CCDC14: variants seen among roughly 807,000 people sequenced by gnomAD.
The protein encoded by CCDC14 is coiled-coil domain-containing protein 14.
CCDC14 carries 71 observed loss-of-function variants against 81.4 expected under a neutral mutation model. The ratio of observed to expected loss-of-function variants is 0.87; its 90% CI spans 0.72 to 1.06. The LOEUF (loss-of-function observed/expected upper bound fraction) is 1.06, where lower values mean the gene tolerates loss of function less well. Among genes scored for constraint, CCDC14 ranks in the 50% least tolerant of loss-of-function variants. The pLI, the probability that CCDC14 is intolerant of heterozygous loss-of-function variation, is 0.00. For synonymous variants in CCDC14, 332 were observed against 364.8 expected (o/e 0.91, Z 1.03); for missense variants, 1,046 against 1,047.3 (o/e 1.00, Z 0.02).
At chr3:123,903,432 C>T (rs1186009900) in intron 5 of CCDC14, among the ~76,000 whole-genome samples, 1 of 151,746 alleles carries the variant, frequency 6.6e-6, no homozygotes, top group African/African-American at 2.4e-5. Context: ...AGTGTTACAA[C>T]CTCTTTAGAA....
chr3:123,904,468 T>C (rs1356706075), intron 5 of CCDC14, among the ~76,000 whole-genome samples: 1 of 152,112 alleles, frequency 6.6e-6, no homozygotes, highest in Admixed American at 6.5e-5. Context: ...TATGATCCTA[T>C]ATATATAGAA....
chr3:123,960,569 C>T (rs1385163070), intron 1 of CCDC14, among the ~76,000 whole-genome samples: 2 of 152,156 alleles, frequency 1.3e-5, no homozygotes, highest in Non-Finnish European at 1.5e-5. Flanking sequence ...CTATGTAATA[C>T]ATAAAAGCAC....
rs776257918 is a variant in CCDC14 at position 123,946,812 on chromosome 3, C to T, written c.1192G>A (p.Ala398Thr). The change falls in exon 8 of 13, where the codon GCA becomes ACA. Residue 398 changes from alanine (A) to threonine (T), a missense_variant. Coordinates refer to ENST00000409697, the MANE Select transcript of CCDC14 (RefSeq NM_001366335.1). ...YLLGELKALV[A>T]EQEDSEIQRL... Reference sequence around the variant, plus strand: ...TATAAGTCCCATCTACCTTGTTCTGCTACCAGGGCCTTGAGCTCTCCCAAC... The same window carrying T: ...TATAAGTCCCATCTACCTTGTTCTGTTACCAGGGCCTTGAGCTCTCCCAAC... The T allele has an allele frequency of 1.9e-6, 3 of 1,612,828 alleles. No homozygotes were observed. The highest frequency in any genetic ancestry group is 4.5e-5 in the East Asian group (2 of 44,872).
At chr3:123,960,884 G>T (rs1309922828) in intron 1 of CCDC14, among the ~76,000 whole-genome samples, 1 of 152,212 alleles carries the variant, frequency 6.6e-6, no homozygotes, top group African/African-American at 2.4e-5. Context: ...CAGCGGCGAA[G>T]GCTGGGACTC....
chr3:123,910,059 T>G (rs915477360), downstream of CCDC14, among the ~76,000 whole-genome samples: 7 of 152,188 alleles, frequency 4.6e-5, no homozygotes, highest in African/African-American at 1.4e-4. Flanking sequence ...ACTTGAGCTC[T>G]TCCTTTAGAA....
At chr3:123,885,941 T>A in the CCDC14 span, among the ~76,000 whole-genome samples, 108,822 of 151,638 alleles carry the variant, frequency 0.72, 39,390 homozygotes, top group East Asian at 0.86. Context: ...TGCTTTTTTT[T>A]AAAAAAATTA....
intron 8 of CCDC14, among the ~76,000 whole-genome samples, chr3:123,945,258 T>TC (rs1398380478): frequency 2.8e-4 from 42 of 151,500 alleles, no homozygotes; most frequent in South Asian, 2.7e-3. Context: ...TTTTTTTTTT[T>TC]CAGTTCAAGA....
Position 123,914,047 on chromosome 3 carries a change from TA to T in CCDC14, c.*731del. On this transcript the variant is annotated 3_prime_UTR_variant, in exon 13 of 13. Transcript: ENST00000409697. ...TCATGTTTAAATATAAGGACAAAAA[TA>T]AACATTTCTTATTTAAAAAAAACCC... 2.0e-6 allele frequency: 2 copies of T among 984,664 alleles called. No homozygotes were observed. Among genetic ancestry groups the T allele is most frequent in the Non-Finnish European group, 2.4e-6 (2 of 828,984 alleles). 61.0% of individuals were successfully genotyped at this position (984,664 alleles called of 1,614,324 possible). A position where few individuals can be genotyped will look rare whatever the true frequency, so the allele number is the denominator to read the frequency against.
In CCDC14 at chr3:123,914,125, C is replaced by A; in HGVS notation, c.*654G>T. 2.0e-6 allele frequency: 2 copies of A among 985,696 alleles called. No homozygotes were observed. The highest frequency in any genetic ancestry group is 2.4e-6 in the Non-Finnish European group (2 of 829,850). The allele number at this position is 985,696 out of a possible 1,614,324, so 61.1% of individuals were successfully genotyped here. Reference sequence around the variant, plus strand: ...TGTTAGCACTTCTTTATCAGTCTGACTATTCTTTAAAGGCCTTAAAACATG... The same window carrying A: ...TGTTAGCACTTCTTTATCAGTCTGAATATTCTTTAAAGGCCTTAAAACATG... On this transcript the variant is annotated 3_prime_UTR_variant, in exon 13 of 13. Coordinates refer to ENST00000409697, the MANE Select transcript of CCDC14 (RefSeq NM_001366335.1).
chr3:123,900,964 T>C (rs984920252), intron 5 of CCDC14, among the ~76,000 whole-genome samples: 3 of 152,138 alleles, frequency 2.0e-5, no homozygotes, highest in Non-Finnish European at 4.4e-5. Context: ...CCAGGCGCAG[T>C]GGCTCACGCC....
At chr3:123,892,874 G>A (rs188250396), downstream of CCDC14, among the ~76,000 whole-genome samples, 4 of 151,780 alleles carry the variant, frequency 2.6e-5, no homozygotes, top group Admixed American at 2.0e-4. Flanking sequence ...GTGTCATCTC[G>A]GCTCATTGTA....
At chr3:123,932,998 C>T (rs2035831865) in intron 10 of CCDC14, among the ~76,000 whole-genome samples, 1 of 152,068 alleles carries the variant, frequency 6.6e-6, no homozygotes, top group Admixed American at 6.6e-5. Flanking sequence ...ACTTGAGAGG[C>T]TGAGGGAAGA....
intron 1 of CCDC14, among the ~76,000 whole-genome samples, chr3:123,960,687 TACA>T (rs1286917530): frequency 6.6e-6 from 1 of 152,210 alleles, no homozygotes; most frequent in Non-Finnish European, 1.5e-5. Context: ...GTTGTATGTC[TACA>T]ACAACTGTGT....
chr3:123,934,801 A>T (rs1035902650), intron 9 of CCDC14, among the ~76,000 whole-genome samples: 1 of 152,186 alleles, frequency 6.6e-6, no homozygotes, highest in African/African-American at 2.4e-5. Context: ...CTCTAAAATG[A>T]TAGTACCCTA....
intron 5 of CCDC14, among the ~76,000 whole-genome samples, chr3:123,898,239 C>A (rs941540640): frequency 1.3e-5 from 2 of 152,158 alleles, no homozygotes; most frequent in African/African-American, 4.8e-5. Context: ...TAAATAAACC[C>A]CATCCACTTC....
At chr3:123,886,152 T>C in the CCDC14 span, among the ~76,000 whole-genome samples, 6 of 143,248 alleles carry the variant, frequency 4.2e-5, no homozygotes, top group Non-Finnish European at 7.5e-5. Flanking sequence ...TTTTTTTTTT[T>C]CTCTCTCTCT....
At chr3:123,896,240 G>A (rs1455975814), downstream of CCDC14, among the ~76,000 whole-genome samples, 2 of 152,152 alleles carry the variant, frequency 1.3e-5, no homozygotes, top group African/African-American at 4.8e-5. Context: ...AGCACGCTAA[G>A]TCCCCTTGCC....
Position 123,914,884 on chromosome 3 carries a change from C to T in CCDC14, c.2613G>A (p.Thr871=), listed in dbSNP as rs964219876. ...AGTCTTGTTCATCACGAGAAGTGAACGTTGAAAACGAAGAGATGCTCCAGT... is the reference window on the plus strand; with the variant it reads ...AGTCTTGTTCATCACGAGAAGTGAATGTTGAAAACGAAGAGATGCTCCAGT... ...MSDWSISSFS[T]FTSRDEQDFR... The change falls in exon 13 of 13, where the codon ACG becomes ACA. Residue 871 remains threonine (T), a synonymous_variant. Coordinates refer to ENST00000409697, the MANE Select transcript of CCDC14 (RefSeq NM_001366335.1). The T allele has an allele frequency of 8.7e-6, 14 of 1,613,428 alleles. No homozygotes were observed. The highest frequency in any genetic ancestry group is 1.6e-4 in the Middle Eastern group (1 of 6,084).
intron 5 of CCDC14, chr3:123,954,743 CAA>C (rs747018531): frequency 6.6e-6 from 1 of 152,030 alleles, no homozygotes; most frequent in Non-Finnish European, 1.5e-5. Flanking sequence ...TTCACATGCC[CAA>C]GTTATTCCAA....
Sources: gnomAD v4.1 joint callset for allele counts (sites outside exome capture counted in the v4.1 genomes callset) on GRCh38, gnomAD v4.1.1 for gene constraint, MANE v1.5 for transcripts, NCBI Gene and HGNC (gene_info 2026-07-23, HGNC 2026-07-21) for gene names.